Variants in DIP2C observed in about 807,000 individuals in gnomAD.
DIP2C encodes the protein disco-interacting protein 2 homolog C.
In DIP2C, 33 loss-of-function variants were observed where a neutral mutation model predicts 192.4. That is an observed-to-expected ratio of 0.17 (90% confidence interval 0.13 to 0.23). The LOEUF is 0.23. DIP2C is among the 10% of genes least tolerant of loss of function. DIP2C has a pLI of 1.00. For synonymous variants in DIP2C, 979 were observed against 864.1 expected (o/e 1.13, Z -2.33); for missense variants, 1,537 against 2,110.1 (o/e 0.73, Z 5.32).
At position 408,903 on chromosome 10, in the gene DIP2C, C is replaced by T. The variant is rs771016237; in HGVS notation, c.1149+23G>A. ...CACAGGACTCTTGTGTTTTGTAGATCCAGCAGTTTAAGTTGCACTTACCCT... is the reference window on the plus strand; with the variant it reads ...CACAGGACTCTTGTGTTTTGTAGATTCAGCAGTTTAAGTTGCACTTACCCT... On this transcript the variant is annotated intron_variant, in intron 9 of 36. Transcript: ENST00000280886. 10 of 1,612,010 alleles carry T rather than the reference C, an allele frequency of 6.2e-6. No homozygotes were observed. The South Asian group carries it at 1.1e-4, about 18-fold the overall frequency.
chr10:565,004 T>TA (rs902622097), intron 1 of DIP2C, among the ~76,000 whole-genome samples: 1 of 151,950 alleles, frequency 6.6e-6, no homozygotes, highest in African/African-American at 2.4e-5. Flanking sequence ...AGATGAAGAG[T>TA]AAACACTTTT....
chr10:594,607 C>T (rs1588549370), intron 1 of DIP2C, among the ~76,000 whole-genome samples: 2 of 152,094 alleles, frequency 1.3e-5, no homozygotes, highest in Admixed American at 1.3e-4. Context: ...TGAGTATAAA[C>T]CATTTCAACG....
chr10:607,283 A>AGCTGAGCT (rs1852562633), intron 1 of DIP2C, among the ~76,000 whole-genome samples: 1 of 152,228 alleles, frequency 6.6e-6, no homozygotes, highest in Non-Finnish European at 1.5e-5. Context: ...AACGGTCCTC[A>AGCTGAGCT]GCTGAGCTGC....
At chr10:557,669 T>C (rs1483274420) in intron 1 of DIP2C, among the ~76,000 whole-genome samples, 7 of 36,538 alleles carry the variant, frequency 1.9e-4, no homozygotes, top group Non-Finnish European at 2.8e-4. Context: ...CACATACACA[T>C]GTGGGGGTGG....
intron 32 of DIP2C, among the ~76,000 whole-genome samples, chr10:303,957 C>T (rs1956187321): frequency 6.6e-6 from 1 of 152,118 alleles, no homozygotes; most frequent in African/African-American, 2.4e-5. Context: ...ACTGGAGGGT[C>T]TTTAGGGCAA....
intron 1 of DIP2C, among the ~76,000 whole-genome samples, chr10:549,913 CTG>C (rs954622002): frequency 5.4e-4 from 82 of 152,082 alleles, no homozygotes; most frequent in South Asian, 2.1e-4. Flanking sequence ...GGAAGGGAGA[CTG>C]TGTCTCCAGC....
chr10:531,094 C>T (rs1847342201), intron 1 of DIP2C, among the ~76,000 whole-genome samples: 1 of 152,172 alleles, frequency 6.6e-6, no homozygotes, highest in East Asian at 1.9e-4. Flanking sequence ...CGTCTGCGCC[C>T]AACAGCTCAT....
At chr10:631,030 T>C (rs1564287508) in intron 1 of DIP2C, 1 of 152,212 alleles carries the variant, frequency 6.6e-6, no homozygotes. Context: ...GGAAAGCGGG[T>C]TGGAGGCCTG....
chr10:629,968 G>A (rs372620321), intron 1 of DIP2C: 46 of 152,338 alleles, frequency 3.0e-4, no homozygotes, highest in African/African-American at 9.6e-4. Flanking sequence ...GGCTCCCCAC[G>A]AGGGCGGCCT....
chr10:379,204 CA>C (rs1564637308), intron 17 of DIP2C, among the ~76,000 whole-genome samples: 5 of 27,792 alleles, frequency 1.8e-4, no homozygotes, highest in Admixed American at 6.0e-4. Context: ...CCCCCCCCCC[CA>C]CAACCCCTGA....
chr10:534,722 T>C (rs1332455364), intron 1 of DIP2C, among the ~76,000 whole-genome samples: 4 of 150,376 alleles, frequency 2.7e-5, no homozygotes, highest in African/African-American at 4.9e-5. Flanking sequence ...CAGGCCGGAC[T>C]GCGGACTGCA....
At chr10:431,738 T>A (rs1966857897) in intron 4 of DIP2C, among the ~76,000 whole-genome samples, 2 of 152,248 alleles carry the variant, frequency 1.3e-5, no homozygotes, top group African/African-American at 4.8e-5. Context: ...ATTTTTCTTG[T>A]CATAATTGCA....
chr10:580,983 C>G (rs1031434187), intron 1 of DIP2C, among the ~76,000 whole-genome samples: 2 of 152,172 alleles, frequency 1.3e-5, no homozygotes, highest in African/African-American at 2.4e-5. Flanking sequence ...CTTATTTAAT[C>G]GAGTTCTGAC....
chr10:606,562 G>T (rs957004690), intron 1 of DIP2C, among the ~76,000 whole-genome samples: 1 of 145,052 alleles, frequency 6.9e-6, no homozygotes, highest in African/African-American at 2.6e-5. Context: ...TCATTGGTTG[G>T]GAAGGGGATC....
Position 440,878 on chromosome 10 carries a change from G to C in DIP2C, c.387C>G (p.Thr129=). 1 of 1,612,308 alleles carries C rather than the reference G, an allele frequency of 6.2e-7. No homozygotes were observed. The highest frequency in any genetic ancestry group is 8.5e-7 in the Non-Finnish European group (1 of 1,179,718). Residue 129 remains threonine (T), a synonymous_variant, in exon 4 of 37, where the codon ACC becomes ACG. Transcript: ENST00000280886. Reference sequence around the variant, plus strand: ...GGGGAGCGTGTCCCTTACCTGGAGGGGTGTAGGCGTCCATCGAGGTCTGCA... The same window carrying C: ...GGGGAGCGTGTCCCTTACCTGGAGGCGTGTAGGCGTCCATCGAGGTCTGCA... ...LVVQTSMDAY[T]PPDTSSGSED... is the part of the protein sequence containing the mutation.
chr10:382,847 G>T, intron 16 of DIP2C, 86 bp from the exon 17 acceptor site: 1 of 930,878 alleles, frequency 1.1e-6, no homozygotes, highest in Non-Finnish European at 1.6e-6. Flanking sequence ...TTCCGAAGGT[G>T]GGATTCAGGC....
chr10:547,831 C>T (rs904629790), intron 1 of DIP2C, among the ~76,000 whole-genome samples: 8 of 152,120 alleles, frequency 5.3e-5, no homozygotes, highest in Non-Finnish European at 1.5e-5. Context: ...GCTGTTCCAT[C>T]GCACCCCTGC....
intron 1 of DIP2C, among the ~76,000 whole-genome samples, chr10:562,671 C>A (rs1849283861): frequency 6.6e-6 from 1 of 152,218 alleles, no homozygotes; most frequent in African/African-American, 2.4e-5. Flanking sequence ...ATAACAGGGT[C>A]TGCATGGCCA....
chr10:417,719 T>C (rs2133124006), intron 6 of DIP2C, among the ~76,000 whole-genome samples: 1 of 125,924 alleles, frequency 7.9e-6, no homozygotes, highest in African/African-American at 3.2e-5. Context: ...CAAATAGGCC[T>C]CCCTGTCTGC....
Sources: gnomAD v4.1 joint callset for allele counts (sites outside exome capture counted in the v4.1 genomes callset) on GRCh38, gnomAD v4.1.1 for gene constraint, MANE v1.5 for transcripts, NCBI Gene and HGNC (gene_info 2026-07-23, HGNC 2026-07-21) for gene names.